GNB1: variants seen among roughly 807,000 people sequenced by gnomAD.
The protein encoded by GNB1 is guanine nucleotide-binding protein G(I)/G(S)/G(T) subunit beta-1.
Under a neutral mutation model 42.9 loss-of-function variants are expected in GNB1, and 2 were observed. The ratio of observed to expected loss-of-function variants is 0.05; its 90% CI spans 0.02 to 0.15. The LOEUF (loss-of-function observed/expected upper bound fraction) is 0.15. Among genes scored for constraint, GNB1 ranks in the 10% least tolerant of loss-of-function variants. The pLI is 1.00. For missense variants in GNB1, 193 were observed against 462.2 expected (o/e 0.42, Z 5.34); for synonymous variants, 183 against 174.7 (o/e 1.05, Z -0.38).
chr1:1,823,978 T>C (rs896502518), intron 3 of GNB1, among the ~76,000 whole-genome samples: 9 of 152,198 alleles, frequency 5.9e-5, no homozygotes, highest in Admixed American at 4.6e-4. Context: ...GTGATCCTCC[T>C]GGGTAGCTCA....
In GNB1 at chr1:1,809,072, A is replaced by C. The variant is rs181391643; in HGVS notation, c.204-2534T>G. 1.1e-4 allele frequency among the ~76,000 whole-genome samples: 16 copies of C among 152,344 alleles called. 1 individual carries two copies. In the East Asian group the frequency reaches 3.1e-3, roughly 29 times the overall value. ...TTAATATCAAACTAGATGTTTTGAT[A>C]CAGGTGTCAATGAGTTTAAGAACAA... On this transcript the variant is annotated intron_variant, in intron 5 of 11. Transcript: ENST00000378609.
intron 1 of GNB1, among the ~76,000 whole-genome samples, chr1:1,854,027 GC>G (rs1648127782): frequency 6.6e-6 from 1 of 152,182 alleles, no homozygotes; most frequent in Non-Finnish European, 1.5e-5. Flanking sequence ...CCAATCATGT[GC>G]CAGGCACCAC....
chr1:1,843,638 G>A (rs1208115137), intron 1 of GNB1, among the ~76,000 whole-genome samples: 1 of 152,160 alleles, frequency 6.6e-6, no homozygotes, highest in Non-Finnish European at 1.5e-5. Flanking sequence ...ATGGAGAGTT[G>A]TCTGGACCCA....
At chr1:1,888,686 A>G (rs1650294399) in intron 1 of GNB1, among the ~76,000 whole-genome samples, 1 of 152,104 alleles carries the variant, frequency 6.6e-6, no homozygotes, top group East Asian at 1.9e-4. Context: ...AAAAATACAA[A>G]AAATTAGCCG....
chr1:1,789,384 C>G (rs1294003439), intron 9 of GNB1, 115 bp from the exon 10 acceptor site: 1 of 675,080 alleles, frequency 1.5e-6, no homozygotes, highest in African/African-American at 1.8e-5. Flanking sequence ...ACCAGCAAGA[C>G]TGTGCTCTGG....
At chr1:1,806,826 T>G (rs948422835) in intron 5 of GNB1, among the ~76,000 whole-genome samples, 1 of 151,978 alleles carries the variant, frequency 6.6e-6, no homozygotes, top group Non-Finnish European at 1.5e-5. Context: ...ATACAAAAAT[T>G]AGCCGGGCAT....
intron 2 of GNB1, among the ~76,000 whole-genome samples, chr1:1,838,323 T>C (rs774301552): frequency 7.9e-5 from 12 of 152,222 alleles, no homozygotes; most frequent in Admixed American, 2.0e-4. Flanking sequence ...AAAGAAACCA[T>C]GTACCCTCCT....
At chr1:1,832,244 T>C (rs1647086744) in intron 2 of GNB1, 1 of 152,188 alleles carries the variant, frequency 6.6e-6, no homozygotes, top group Non-Finnish European at 1.5e-5. Context: ...TTAATTGCTC[T>C]TGCTTTTCTC....
intron 3 of GNB1, among the ~76,000 whole-genome samples, chr1:1,820,733 A>G (rs1024853890): frequency 6.6e-6 from 1 of 152,224 alleles, no homozygotes; most frequent in African/African-American, 2.4e-5. Context: ...AATGACTAAA[A>G]TGAGTTTCTT....
intron 1 of GNB1, among the ~76,000 whole-genome samples, chr1:1,844,893 G>T (rs1165653478): frequency 6.6e-6 from 1 of 152,160 alleles, no homozygotes; most frequent in African/African-American, 2.4e-5. Flanking sequence ...AAAACATCCA[G>T]CCCCAAGAGT....
At chr1:1,849,830 ACAGAC>A (rs1194955751) in intron 1 of GNB1, among the ~76,000 whole-genome samples, 3 of 152,118 alleles carry the variant, frequency 2.0e-5, no homozygotes, top group Non-Finnish European at 2.9e-5. Context: ...TCTGAACTTC[ACAGAC>A]CTCTGGTTTG....
At chr1:1,798,482 C>A (rs1646576454) in intron 7 of GNB1, among the ~76,000 whole-genome samples, 1 of 152,242 alleles carries the variant, frequency 6.6e-6, no homozygotes, top group South Asian at 2.1e-4. Context: ...CTGTCACTGA[C>A]AGCTGTGCAC....
intron 1 of GNB1, among the ~76,000 whole-genome samples, chr1:1,864,247 C>T (rs570643193): frequency 2.4e-3 from 299 of 125,252 alleles, no homozygotes; most frequent in African/African-American, 8.2e-3. Context: ...GCTTGGGAGG[C>T]GGAGGTTGCA....
chr1:1,842,564 G>A (rs990842560), intron 1 of GNB1, among the ~76,000 whole-genome samples: 4 of 152,056 alleles, frequency 2.6e-5, no homozygotes, highest in South Asian at 4.1e-4. Context: ...TGAAATATCC[G>A]GAACACACAA....
At chr1:1,796,806 G>C (rs542586074) in intron 7 of GNB1, among the ~76,000 whole-genome samples, 1 of 152,204 alleles carries the variant, frequency 6.6e-6, no homozygotes, top group Admixed American at 6.5e-5. Context: ...GGTCATATAG[G>C]CAGTGGGTGT....
chr1:1,810,557 A>T (rs961066171), intron 5 of GNB1, among the ~76,000 whole-genome samples: 1 of 151,030 alleles, frequency 6.6e-6, no homozygotes, highest in Admixed American at 6.6e-5. Flanking sequence ...AAAAAAAAAA[A>T]AGTTGCCTTT....
chr1:1,815,469 G>C (rs1024836785), intron 5 of GNB1, among the ~76,000 whole-genome samples: 10 of 152,196 alleles, frequency 6.6e-5, no homozygotes, highest in African/African-American at 2.4e-4. Context: ...GAAGACAGAG[G>C]TCTAGAAACT....
intron 1 of GNB1, among the ~76,000 whole-genome samples, chr1:1,862,520 G>C (rs550643965): frequency 6.6e-6 from 1 of 151,550 alleles, no homozygotes; most frequent in African/African-American, 2.4e-5. Flanking sequence ...AGGCTGGAGC[G>C]GCACAATTAC....
intron 3 of GNB1, among the ~76,000 whole-genome samples, chr1:1,824,625 T>G (rs1646973298): frequency 6.6e-6 from 1 of 151,986 alleles, no homozygotes; most frequent in African/African-American, 2.4e-5. Flanking sequence ...CAGGTTGGAG[T>G]GCAGTGGCAC....
Sources: allele counts gnomAD v4.1 joint callset (sites outside exome capture counted in the v4.1 genomes callset), GRCh38; gene constraint gnomAD v4.1.1; transcripts MANE v1.5; gene names NCBI Gene and HGNC (gene_info 2026-07-23, HGNC 2026-07-21).